Variants in FBXO42 observed in about 807,000 individuals in gnomAD.
FBXO42 encodes F-box protein 42.
A neutral mutation model predicts 71.7 loss-of-function variants in FBXO42; 12 were observed. That is an observed-to-expected ratio of 0.17 (90% CI 0.11 to 0.27). The LOEUF is 0.27. FBXO42 is among the 10% of genes least tolerant of loss of function. FBXO42 has a pLI of 1.00. For missense variants in FBXO42, 707 were observed against 911.9 expected (o/e 0.78, Z 2.89); for synonymous variants, 325 against 327.5 (o/e 0.99, Z 0.08).
At chr1:16,346,645 G>A (rs1183825943) in intron 1 of FBXO42, among the ~76,000 whole-genome samples, 1 of 148,704 alleles carries the variant, frequency 6.7e-6, no homozygotes, top group African/African-American at 2.5e-5. Flanking sequence ...CCGAGATTGC[G>A]CCACTGCACT....
At chr1:16,329,743 T>C (rs1475274871) in intron 1 of FBXO42, among the ~76,000 whole-genome samples, 1 of 150,424 alleles carries the variant, frequency 6.6e-6, no homozygotes, top group Non-Finnish European at 1.5e-5. Context: ...AGGTCAGGAG[T>C]TTGAGACCAG....
At chr1:16,313,420 T>C (rs1271117633) in intron 2 of FBXO42, among the ~76,000 whole-genome samples, 2 of 152,008 alleles carry the variant, frequency 1.3e-5, no homozygotes, top group Admixed American at 6.6e-5. Flanking sequence ...AACCTAAGGA[T>C]AAATTCATAT....
chr1:16,332,558 T>TC (rs2082510023), intron 1 of FBXO42, among the ~76,000 whole-genome samples: 1 of 151,860 alleles, frequency 6.6e-6, no homozygotes, highest in Non-Finnish European at 1.5e-5. Flanking sequence ...TTTTTTTTTT[T>TC]TGAGACGGAG....
At chr1:16,281,347 C>T (rs2081961326) in intron 4 of FBXO42, among the ~76,000 whole-genome samples, 1 of 152,168 alleles carries the variant, frequency 6.6e-6, no homozygotes, top group Non-Finnish European at 1.5e-5. Context: ...CATAAAGAAT[C>T]TGGGCGAACC....
chr1:16,264,030 C>T (rs914156088), intron 4 of FBXO42, among the ~76,000 whole-genome samples: 3 of 151,946 alleles, frequency 2.0e-5, no homozygotes, highest in Non-Finnish European at 2.9e-5. Context: ...AGGCTGGTCT[C>T]GAACTCCTGG....
rs959426684 is a variant in FBXO42 at position 16,291,388 on chromosome 1, A to G, written c.502+3395T>C. On this transcript the variant is annotated intron_variant, in intron 4 of 9. Transcript: ENST00000375592. ...CATGGGACTTTTTTTTTTTTAATTT[A>G]TTATTTTATTTTGAGACAGTCTCAC... Among the ~76,000 whole-genome samples the G allele has an allele frequency of 2.0e-5, 3 of 149,248 alleles. No homozygotes were observed. The East Asian group carries it at 5.9e-4, about 29-fold the overall frequency.
intron 7 of FBXO42, 68 bp downstream of exon 7, chr1:16,253,567 C>T: frequency 6.9e-7 from 1 of 1,444,108 alleles, no homozygotes; most frequent in Non-Finnish European, 9.7e-7. Flanking sequence ...TGACTCCCTC[C>T]TCCCTCTCCC....
chr1:16,303,891 G>A (rs1281695147), intron 3 of FBXO42, among the ~76,000 whole-genome samples: 4 of 151,880 alleles, frequency 2.6e-5, no homozygotes, highest in African/African-American at 7.3e-5. Flanking sequence ...GACTACAGGC[G>A]CCCGCCACCA....
chr1:16,275,548 A>G (rs2081891036), intron 4 of FBXO42, among the ~76,000 whole-genome samples: 1 of 152,064 alleles, frequency 6.6e-6, no homozygotes, highest in Admixed American at 6.6e-5. Flanking sequence ...GAGCCCAGGA[A>G]TTTGAGGCTG....
At chr1:16,266,586 T>A (rs1341047166) in intron 4 of FBXO42, among the ~76,000 whole-genome samples, 4 of 152,190 alleles carry the variant, frequency 2.6e-5, no homozygotes, top group Admixed American at 2.6e-4. Flanking sequence ...ACCAGTTAAC[T>A]AAAACCCTAC....
At chr1:16,334,982 T>G (rs562453243) in intron 1 of FBXO42, among the ~76,000 whole-genome samples, 1 of 134,134 alleles carries the variant, frequency 7.5e-6, no homozygotes, top group Non-Finnish European at 1.5e-5. Context: ...ATCCCAGCAC[T>G]GTGGGAAGCC....
intron 4 of FBXO42, among the ~76,000 whole-genome samples, chr1:16,269,586 C>T (rs1386756217): frequency 3.3e-5 from 5 of 151,912 alleles, no homozygotes; most frequent in African/African-American, 4.8e-5. Flanking sequence ...AGTGCAATGG[C>T]GTGATCTCGG....
chr1:16,333,406 A>T (rs1465206391), intron 1 of FBXO42, among the ~76,000 whole-genome samples: 1 of 148,838 alleles, frequency 6.7e-6, no homozygotes, highest in African/African-American at 2.5e-5. Flanking sequence ...TGAGGCCAGG[A>T]GTTCGAGACC....
At chr1:16,293,698 A>G (rs371558457) in intron 4 of FBXO42, 10 of 152,358 alleles carry the variant, frequency 6.6e-5, no homozygotes, top group African/African-American at 2.4e-4. Flanking sequence ...TTAGGGAAGC[A>G]AAATGCAGCT....
At chr1:16,290,615 C>T (rs1292239929) in intron 4 of FBXO42, among the ~76,000 whole-genome samples, 1 of 152,014 alleles carries the variant, frequency 6.6e-6, no homozygotes, top group African/African-American at 2.4e-5. Flanking sequence ...TTGCTCCAAC[C>T]CAGGAGGCAG....
At chr1:16,274,961 CTG>C (rs1313578123) in intron 4 of FBXO42, among the ~76,000 whole-genome samples, 2 of 152,168 alleles carry the variant, frequency 1.3e-5, no homozygotes, top group African/African-American at 4.8e-5. Flanking sequence ...TGGCAGTAAA[CTG>C]TAAACCATGT....
intron 4 of FBXO42, among the ~76,000 whole-genome samples, chr1:16,292,065 G>A (rs1008642640): frequency 6.6e-6 from 1 of 152,178 alleles, no homozygotes; most frequent in African/African-American, 2.4e-5. Context: ...TTGCAGATTA[G>A]GATGAGGGAG....
intron 3 of FBXO42, among the ~76,000 whole-genome samples, chr1:16,303,474 A>G (rs982740406): frequency 1.3e-5 from 2 of 152,210 alleles, no homozygotes; most frequent in Non-Finnish European, 2.9e-5. Context: ...TCCGAATGTC[A>G]GAGGAGGAGG....
At position 16,291,490 on chromosome 1, in the gene FBXO42, C is replaced by T. The variant is rs936520992; in HGVS notation, c.502+3293G>A. On this transcript the variant is annotated intron_variant, in intron 4 of 9. Transcript: ENST00000375592. ...CTGCCTCCTGGGCTCAAGTGATTCT[C>T]ATGCTTCAACCTCCTGAGTAGCTGA... Among the ~76,000 whole-genome samples, 3 of 152,056 alleles carry T rather than the reference C, an allele frequency of 2.0e-5. No individual in the cohort carries two copies. In the South Asian group the frequency reaches 6.2e-4, roughly 31 times the overall value.
Sources: allele counts gnomAD v4.1 joint callset (sites outside exome capture counted in the v4.1 genomes callset), GRCh38; gene constraint gnomAD v4.1.1; transcripts MANE v1.5; gene names NCBI Gene and HGNC (gene_info 2026-07-23, HGNC 2026-07-21).